COG5: variants seen among roughly 807,000 people sequenced by gnomAD.
COG5 encodes component of oligomeric golgi complex 5.
A neutral mutation model predicts 110.4 loss-of-function variants in COG5; 86 were observed. That is an observed-to-expected ratio of 0.78 (90% confidence interval 0.65 to 0.93). The LOEUF (loss-of-function observed/expected upper bound fraction) is 0.93, where lower values mean the gene tolerates loss of function less well. COG5 is among the 40% of genes least tolerant of loss of function. The pLI, the probability that COG5 is intolerant of heterozygous loss-of-function variation, is 0.00. For missense variants in COG5, 1,077 were observed against 987.0 expected (o/e 1.09, Z -1.22); for synonymous variants, 360 against 334.6 (o/e 1.08, Z -0.83).
rs141079690 is a variant in COG5, at chr7:107,276,490, C to T, written c.1575+4810G>A. ...TTCGAGACCAGCCTGAGTAATGTGGCGAGACCCTCCATCGCTACAAAAAAT... is the reference window on the plus strand; with the variant it reads ...TTCGAGACCAGCCTGAGTAATGTGGTGAGACCCTCCATCGCTACAAAAAAT... On this transcript the variant is annotated intron_variant, in intron 14 of 21. Coordinates refer to ENST00000297135, the MANE Select transcript of COG5 (RefSeq NM_006348.5). Among the ~76,000 whole-genome samples the T allele has an allele frequency of 1.8e-3, 277 of 152,114 alleles. 2 individuals are homozygous for T. The highest frequency in any genetic ancestry group is 2.6e-3 in the Non-Finnish European group (178 of 67,986).
At chr7:107,256,889 GTATA>G in intron 15 of COG5, 95 bp from the exon 16 acceptor site, 1 of 807,304 alleles carries the variant, frequency 1.2e-6, no homozygotes, top group Non-Finnish European at 2.1e-6. Context: ...TTTCCACAAA[GTATA>G]TATACAATAT....
At chr7:107,403,775 T>C (rs983693267) in intron 7 of COG5, among the ~76,000 whole-genome samples, 1 of 152,006 alleles carries the variant, frequency 6.6e-6, no homozygotes, top group African/African-American at 2.4e-5. Flanking sequence ...AAGGCCGACC[T>C]CCAAATAACA....
chr7:107,371,969 T>A (rs1400459558), intron 8 of COG5, among the ~76,000 whole-genome samples: 2 of 152,206 alleles, frequency 1.3e-5, no homozygotes, highest in African/African-American at 4.8e-5. Context: ...TAATCTGTGG[T>A]CTTTTCTATC....
chr7:107,409,990 C>T (rs1792163057), intron 7 of COG5, among the ~76,000 whole-genome samples: 1 of 152,212 alleles, frequency 6.6e-6, no homozygotes. Context: ...ATTTTAGTTA[C>T]AACAGTCTTA....
chr7:107,258,845 GA>G (rs1313595625), intron 14 of COG5, among the ~76,000 whole-genome samples: 2 of 152,060 alleles, frequency 1.3e-5, no homozygotes, highest in African/African-American at 4.8e-5. Context: ...AGACGGGAAG[GA>G]GGGGGAAAGG....
At chr7:107,210,642 G>A (rs759418403) in intron 20 of COG5, 37 bp from the exon 21 acceptor site, 41 of 1,558,974 alleles carry the variant, frequency 2.6e-5, no homozygotes, top group East Asian at 6.9e-5. Context: ...GAGTGCATAC[G>A]CATTCTTTAG....
rs1177635650 is a variant in COG5, at chr7:107,415,880, G to GTATA, written c.539-3249_539-3248insTATA. 1.7e-4 allele frequency among the ~76,000 whole-genome samples: 17 copies of GTATA among 97,234 alleles called. 1 individual carries two copies. The highest frequency in any genetic ancestry group is 1.1e-3 in the African/African-American group (16 of 14,106). 63.8% of individuals were successfully genotyped at this position (97,234 alleles called of 152,430 possible). On this transcript the variant is annotated intron_variant, in intron 6 of 21. Coordinates refer to ENST00000297135, the MANE Select transcript of COG5 (RefSeq NM_006348.5). ...CACATACACGTATGTATGTATGTGT[G>GTATA]TGTATATACACACACATACACGTAT...
At chr7:107,524,929 TTTTG>T (rs938650505) in intron 6 of COG5, among the ~76,000 whole-genome samples, 2 of 152,054 alleles carry the variant, frequency 1.3e-5, no homozygotes, top group African/African-American at 2.4e-5. Context: ...TTGTGGGGTT[TTTTG>T]TTTGTTTGTT....
chr7:107,217,985 G>C (rs1799643762), intron 19 of COG5, among the ~76,000 whole-genome samples: 1 of 151,872 alleles, frequency 6.6e-6, no homozygotes, highest in African/African-American at 2.4e-5. Context: ...ACCACCAAAA[G>C]ACAGAACTAA....
At chr7:107,216,987 T>TA (rs1160889039) in intron 19 of COG5, among the ~76,000 whole-genome samples, 1 of 151,052 alleles carries the variant, frequency 6.6e-6, no homozygotes, top group Non-Finnish European at 1.5e-5. Flanking sequence ...TTAACTAGAC[T>TA]AAAAAAGAAA....
At chr7:107,378,538 A>G (rs970012296) in intron 7 of COG5, among the ~76,000 whole-genome samples, 1 of 152,188 alleles carries the variant, frequency 6.6e-6, no homozygotes, top group Non-Finnish European at 1.5e-5. Flanking sequence ...AAAGGTTAGA[A>G]AAATCGCTAA....
chr7:107,220,901 T>G (rs56907291), intron 19 of COG5, among the ~76,000 whole-genome samples: 2,966 of 146,098 alleles, frequency 0.02, 105 homozygotes, highest in African/African-American at 0.069. Flanking sequence ...CACTGCAACC[T>G]CTGCCTCCCA....
At chr7:107,242,909 C>A (rs548225188) in intron 17 of COG5, among the ~76,000 whole-genome samples, 4 of 152,304 alleles carry the variant, frequency 2.6e-5, no homozygotes, top group African/African-American at 7.2e-5. Flanking sequence ...ATCCCCTCCT[C>A]TGCTGCCTCC....
chr7:107,278,046 G>A (rs911962600), intron 14 of COG5, among the ~76,000 whole-genome samples: 14 of 151,858 alleles, frequency 9.2e-5, no homozygotes, highest in South Asian at 8.3e-4. Flanking sequence ...ATACTAAAAC[G>A]TTTCAGTAGC....
intron 6 of COG5, among the ~76,000 whole-genome samples, chr7:107,482,958 A>G (rs1306046892): frequency 6.6e-6 from 1 of 152,216 alleles, no homozygotes; most frequent in Non-Finnish European, 1.5e-5. Flanking sequence ...AACTGACATA[A>G]AAGAATTACT....
chr7:107,316,086 T>C (rs1336133057), intron 11 of COG5, among the ~76,000 whole-genome samples: 1 of 151,988 alleles, frequency 6.6e-6, no homozygotes, highest in Non-Finnish European at 1.5e-5. Flanking sequence ...AGTTGAGAAA[T>C]CAACAGAATG....
chr7:107,262,199 A>T (rs985669502), intron 14 of COG5, among the ~76,000 whole-genome samples: 1 of 151,960 alleles, frequency 6.6e-6, no homozygotes, highest in Non-Finnish European at 1.5e-5. Context: ...CGTCCCTTTG[A>T]TTCTAATTCC....
intron 5 of COG5, among the ~76,000 whole-genome samples, chr7:107,544,794 T>C (rs763202841): frequency 2.6e-5 from 4 of 152,230 alleles, no homozygotes; most frequent in East Asian, 1.9e-4. Context: ...ATTAAAGATA[T>C]TGAGGTTTAT....
chr7:107,472,236 A>G (rs1796677697), intron 6 of COG5: 1 of 152,030 alleles, frequency 6.6e-6, no homozygotes, highest in African/African-American at 2.4e-5. Flanking sequence ...CAGTTGAAGT[A>G]TTGGAGAGAA....
Sources: allele counts gnomAD v4.1 joint callset (sites outside exome capture counted in the v4.1 genomes callset), GRCh38; gene constraint gnomAD v4.1.1; transcripts MANE v1.5; gene names NCBI Gene and HGNC (gene_info 2026-07-23, HGNC 2026-07-21).